The following MCU variants were observed in gnomAD, a reference collection of about 807,000 sequenced individuals.
MCU encodes the protein mitochondrial calcium uniporter.
MCU carries 12 observed loss-of-function variants against 45.2 expected under a neutral mutation model. That is an observed-to-expected ratio of 0.27 (90% CI 0.17 to 0.43). The LOEUF is 0.43. Among genes scored for constraint, MCU ranks in the 20% least tolerant of loss-of-function variants. The probability of loss-of-function intolerance (pLI) is 1.00; values close to 1 mark genes in which losing one functional copy is unlikely to be tolerated. For synonymous variants in MCU, 160 were observed against 165.1 expected (o/e 0.97, Z 0.24); for missense variants, 324 against 436.7 (o/e 0.74, Z 2.30).
At chr10:72,748,565 C>T (rs1843447958) in intron 1 of MCU, among the ~76,000 whole-genome samples, 1 of 152,022 alleles carries the variant, frequency 6.6e-6, no homozygotes, top group Non-Finnish European at 1.5e-5. Context: ...GCCTGTAATC[C>T]TGGTGGTTTG....
intron 2 of MCU, among the ~76,000 whole-genome samples, chr10:72,840,710 G>A (rs1034066749): frequency 6.6e-6 from 1 of 152,134 alleles, no homozygotes; most frequent in African/African-American, 2.4e-5. Flanking sequence ...ATTTTAATGT[G>A]GCAGAGTTCT....
intron 1 of MCU, among the ~76,000 whole-genome samples, chr10:72,779,047 G>C (rs1843946230): frequency 6.6e-6 from 1 of 152,046 alleles, no homozygotes; most frequent in Non-Finnish European, 1.5e-5. Context: ...TTGGCTCCCT[G>C]CAACCTCCGC....
At chr10:72,783,334 C>G (rs12358334) in intron 1 of MCU, among the ~76,000 whole-genome samples, 47 of 152,338 alleles carry the variant, frequency 3.1e-4, no homozygotes, top group Admixed American at 5.2e-4. Flanking sequence ...CAGTGTGATG[C>G]TATTCATTTT....
At chr10:72,760,305 C>T (rs538195282) in intron 1 of MCU, among the ~76,000 whole-genome samples, 19 of 151,936 alleles carry the variant, frequency 1.3e-4, no homozygotes, top group Non-Finnish European at 2.8e-4. Context: ...CCCATCTCAG[C>T]CTCTCAAAGT....
At chr10:72,858,053 A>C (rs1564576218) in intron 2 of MCU, among the ~76,000 whole-genome samples, 1 of 152,182 alleles carries the variant, frequency 6.6e-6, no homozygotes, top group African/African-American at 2.4e-5. Context: ...TATATTTCTC[A>C]TAAAGGTTGC....
At chr10:72,720,332 CA>C (rs1327224494) in intron 1 of MCU, among the ~76,000 whole-genome samples, 1 of 152,208 alleles carries the variant, frequency 6.6e-6, no homozygotes, top group African/African-American at 2.4e-5. Context: ...GTAACTTGCT[CA>C]AGCTAGTAAG....
chr10:72,856,418 G>A (rs1273318979), intron 2 of MCU, among the ~76,000 whole-genome samples: 1 of 152,088 alleles, frequency 6.6e-6, no homozygotes, highest in Non-Finnish European at 1.5e-5. Flanking sequence ...AAAGATTTTA[G>A]TGTGAAGATT....
chr10:72,745,969 T>C (rs1843409847), intron 1 of MCU, among the ~76,000 whole-genome samples: 1 of 152,178 alleles, frequency 6.6e-6, no homozygotes, highest in African/African-American at 2.4e-5. Flanking sequence ...ACATCTTCAT[T>C]ATTCTGTACT....
chr10:72,861,494 C>T (rs1845374632), intron 4 of MCU, among the ~76,000 whole-genome samples: 1 of 151,442 alleles, frequency 6.6e-6, no homozygotes, highest in Non-Finnish European at 1.5e-5. Context: ...TGACATGACA[C>T]TGGCTTACTG....
At chr10:72,704,721 T>C (rs923463984) in intron 1 of MCU, among the ~76,000 whole-genome samples, 1 of 142,744 alleles carries the variant, frequency 7.0e-6, no homozygotes, top group Non-Finnish European at 1.5e-5. Flanking sequence ...TTTTTTTTTT[T>C]TTTTTTTTTT....
chr10:72,876,174 G>A (rs758238001), intron 6 of MCU, among the ~76,000 whole-genome samples: 1 of 152,104 alleles, frequency 6.6e-6, no homozygotes, highest in Non-Finnish European at 1.5e-5. Context: ...TGGCTGTTCA[G>A]GGCCTTCTTT....
intron 1 of MCU, among the ~76,000 whole-genome samples, chr10:72,788,061 G>T (rs1035632828): frequency 6.6e-6 from 1 of 152,198 alleles, no homozygotes; most frequent in Non-Finnish European, 1.5e-5. Flanking sequence ...TGCTGTGTAC[G>T]TGATAGGCAA....
Position 72,842,567 on chromosome 10 carries a change from G to A in MCU, c.220+8139G>A, listed in dbSNP as rs568819236. 1.2e-4 allele frequency among the ~76,000 whole-genome samples: 18 copies of A among 152,170 alleles called. No homozygotes were observed. In the South Asian group the frequency reaches 1.5e-3, roughly 12 times the overall value. On this transcript the variant is annotated intron_variant, in intron 2 of 7. Transcript: ENST00000373053. ...CAATTTACCATGTTCCAAAACTAGGGCAGTATGTGACTTCTTTAGTCAAGC... is the reference window on the plus strand; with the variant it reads ...CAATTTACCATGTTCCAAAACTAGGACAGTATGTGACTTCTTTAGTCAAGC...
rs1245426044 is a variant in MCU, at chr10:72,887,670, A to G, written c.*1848A>G. ...TAAAAAGCAATGTACCTTCTGGAAC[A>G]ATAAATACTTATTCAATTTTTGAAC... On this transcript the variant is annotated 3_prime_UTR_variant, in exon 8 of 8. Coordinates refer to ENST00000373053, the MANE Select transcript of MCU (RefSeq NM_138357.3). 1 of 152,774 alleles carries G rather than the reference A, an allele frequency of 6.5e-6. No homozygotes were observed. Among genetic ancestry groups the G allele is most frequent in the Non-Finnish European group, 1.5e-5 (1 of 68,042 alleles). The allele number at this position is 152,774 out of a possible 1,614,324, so 9.5% of individuals were successfully genotyped here. A position where few individuals can be genotyped will look rare whatever the true frequency, so the allele number is the denominator to read the frequency against.
chr10:72,792,130 G>A (rs949260960), intron 1 of MCU, among the ~76,000 whole-genome samples: 4 of 152,166 alleles, frequency 2.6e-5, no homozygotes, highest in East Asian at 3.8e-4. Flanking sequence ...AGAAAGAAAG[G>A]CATTTATTTG....
chr10:72,715,043 ACC>A (rs1842941625), intron 1 of MCU: 1 of 285,424 alleles, frequency 3.5e-6, no homozygotes, highest in Non-Finnish European at 5.3e-6. Context: ...ATGCTGAGGT[ACC>A]CACATTAGCA....
At chr10:72,712,944 A>G (rs1842913002) in intron 1 of MCU, among the ~76,000 whole-genome samples, 1 of 152,258 alleles carries the variant, frequency 6.6e-6, no homozygotes, top group Admixed American at 6.5e-5. Flanking sequence ...ATGCTGAGGC[A>G]GCAAGGGAAA....
intron 1 of MCU, among the ~76,000 whole-genome samples, chr10:72,751,594 G>GA (rs1379641836): frequency 1.3e-5 from 2 of 151,700 alleles, no homozygotes; most frequent in Admixed American, 6.6e-5. Context: ...GGCCTCAAGT[G>GA]ATCCGCCCAC....
At chr10:72,733,185 G>A (rs962942505) in intron 1 of MCU, among the ~76,000 whole-genome samples, 1 of 152,216 alleles carries the variant, frequency 6.6e-6, no homozygotes, top group Non-Finnish European at 1.5e-5. Flanking sequence ...GAGGCTGGGC[G>A]CAGTGGCTCA....
Sources: gnomAD v4.1 joint callset for allele counts (sites outside exome capture counted in the v4.1 genomes callset) on GRCh38, gnomAD v4.1.1 for gene constraint, MANE v1.5 for transcripts, NCBI Gene and HGNC (gene_info 2026-07-23, HGNC 2026-07-21) for gene names.